SMARCA2: variants seen among roughly 807,000 people sequenced by gnomAD.
SMARCA2 encodes SWI/SNF related BAF chromatin remodeling complex subunit ATPase 2, also known as SWI/SNF-related matrix-associated actin-dependent regulator of chromatin subfamily A member 2.
Under a neutral mutation model 199.8 loss-of-function variants are expected in SMARCA2, and 61 were observed. The observed-to-expected ratio is 0.31, with a 90% CI of 0.25 to 0.38. The LOEUF (loss-of-function observed/expected upper bound fraction) is 0.38. Ranked by LOEUF, SMARCA2 falls within the 10% of genes least tolerant of loss-of-function variation. The pLI is 1.00. For synonymous variants in SMARCA2, 935 were observed against 732.0 expected (o/e 1.28, Z -4.48); for missense variants, 1,344 against 2,012.2 (o/e 0.67, Z 6.35).
intron 27 of SMARCA2, among the ~76,000 whole-genome samples, chr9:2,124,757 A>T (rs1823613749): frequency 6.6e-6 from 1 of 152,194 alleles, no homozygotes; most frequent in African/African-American, 2.4e-5. Flanking sequence ...GCACAGAAAT[A>T]TCAAAATGCT....
chr9:2,137,477 T>C (rs1365585016), intron 27 of SMARCA2, among the ~76,000 whole-genome samples: 1 of 152,136 alleles, frequency 6.6e-6, no homozygotes. Flanking sequence ...CTTCTAGTCC[T>C]TGGCACTTCT....
In SMARCA2 at chr9:2,108,628, A is replaced by C. The variant is rs149207733; in HGVS notation, c.3293-1626A>C. Among the ~76,000 whole-genome samples the C allele has an allele frequency of 8.0e-3, 1,222 of 152,328 alleles. 15 individuals are homozygous for C. The highest frequency in any genetic ancestry group is 0.028 in the African/African-American group (1,163 of 41,562). On this transcript the variant is annotated intron_variant, in intron 23 of 33. Transcript: ENST00000349721. Reference sequence around the variant, plus strand: ...TGTGGCTTTTCATTCAGTTTAAGGCAGAGGAGAAATATGTGAACCATTAAT... The same window carrying C: ...TGTGGCTTTTCATTCAGTTTAAGGCCGAGGAGAAATATGTGAACCATTAAT...
rs780894723 is a variant in SMARCA2, at chr9:2,078,398, G to A, written c.2184+622G>A. On this transcript the variant is annotated intron_variant, in intron 14 of 33. Transcript: ENST00000349721. Reference sequence around the variant, plus strand: ...GAAGCAGGAGAATCGCTTGAGCTCCGGAGGTGGAGGTTGCAGTGAGCCAAG... The same window carrying A: ...GAAGCAGGAGAATCGCTTGAGCTCCAGAGGTGGAGGTTGCAGTGAGCCAAG... 4.6e-5 allele frequency among the ~76,000 whole-genome samples: 7 copies of A among 152,038 alleles called. 1 individual carries two copies. Among genetic ancestry groups the A allele is most frequent in the East Asian group, 3.9e-4 (2 of 5,178 alleles).
chr9:2,049,270 C>T (rs1820016481), intron 5 of SMARCA2, among the ~76,000 whole-genome samples: 1 of 152,032 alleles, frequency 6.6e-6, no homozygotes, highest in Admixed American at 6.6e-5. Flanking sequence ...ATCATTTTTT[C>T]TGGAATTTTC....
chr9:2,072,044 G>A (rs533573560), intron 10 of SMARCA2: 1 of 152,240 alleles, frequency 6.6e-6, no homozygotes, highest in South Asian at 2.1e-4. Context: ...CTTTGTTGAG[G>A]GTGTAAGGGG....
At chr9:2,023,901 T>C (rs1041700212) in intron 1 of SMARCA2, among the ~76,000 whole-genome samples, 1 of 152,212 alleles carries the variant, frequency 6.6e-6, no homozygotes, top group Non-Finnish European at 1.5e-5. Context: ...AGAACTCTTA[T>C]CTTAACTATC....
intron 7 of SMARCA2, among the ~76,000 whole-genome samples, chr9:2,057,735 G>A (rs1278015487): frequency 3.3e-5 from 5 of 152,084 alleles, no homozygotes; most frequent in African/African-American, 1.2e-4. Context: ...GTTTTCCTGT[G>A]CTTAATTTAG....
intron 26 of SMARCA2, among the ~76,000 whole-genome samples, chr9:2,120,218 T>C (rs1823397336): frequency 6.6e-6 from 1 of 152,196 alleles, no homozygotes; most frequent in Non-Finnish European, 1.5e-5. Context: ...ACAGAGAGAG[T>C]AAATATAAAC....
At chr9:2,059,205 G>A (rs760765113) in intron 8 of SMARCA2, among the ~76,000 whole-genome samples, 7 of 152,176 alleles carry the variant, frequency 4.6e-5, no homozygotes, top group Admixed American at 1.3e-4. Context: ...TAGGAGACCT[G>A]CAGATTCTAT....
chr9:2,177,177 A>ACACTT (rs1246686735), intron 29 of SMARCA2, among the ~76,000 whole-genome samples: 10 of 152,198 alleles, frequency 6.6e-5, no homozygotes, highest in Non-Finnish European at 1.5e-5. Context: ...AAGAAGCAGC[A>ACACTT]CACTTCACCT....
At chr9:2,127,403 A>G (rs555515155) in intron 27 of SMARCA2, among the ~76,000 whole-genome samples, 20 of 152,328 alleles carry the variant, frequency 1.3e-4, no homozygotes, top group African/African-American at 4.3e-4. Flanking sequence ...TGCCCTGTCC[A>G]TGGACCTATC....
At chr9:2,046,016 TC>T (rs752974043) in intron 4 of SMARCA2, 6 of 152,228 alleles carry the variant, frequency 3.9e-5, no homozygotes, top group Non-Finnish European at 5.9e-5. Context: ...GTTCAGTTTT[TC>T]ATAATGTATG....
At chr9:2,164,561 C>T (rs1019880899) in intron 28 of SMARCA2, among the ~76,000 whole-genome samples, 4 of 152,150 alleles carry the variant, frequency 2.6e-5, no homozygotes, top group African/African-American at 7.2e-5. Flanking sequence ...TAATAATCAG[C>T]CTTTCAGACT....
Position 2,088,482 on chromosome 9 carries a change from A to G in SMARCA2, c.2770-18A>G. 1 of 1,563,226 alleles carries G rather than the reference A, an allele frequency of 6.4e-7. No homozygotes were observed. Among genetic ancestry groups the G allele is most frequent in the Non-Finnish European group, 8.6e-7 (1 of 1,165,340 alleles). Reference sequence around the variant, plus strand: ...CTTTTCTTTAAAAAATCAAATTCATAATAAGCCTCTCTTACAGGTGGACTT... The same window carrying G: ...CTTTTCTTTAAAAAATCAAATTCATGATAAGCCTCTCTTACAGGTGGACTT... On this transcript the variant is annotated intron_variant, in intron 18 of 33. Coordinates refer to ENST00000349721, the MANE Select transcript of SMARCA2 (RefSeq NM_003070.5).
intron 19 of SMARCA2, among the ~76,000 whole-genome samples, chr9:2,091,898 G>C (rs1395993725): frequency 6.6e-6 from 1 of 152,096 alleles, no homozygotes; most frequent in Admixed American, 6.6e-5. Flanking sequence ...AACTAAAGCA[G>C]GTATATAAAG....
At chr9:2,093,160 G>GC (rs1822132539) in intron 19 of SMARCA2, among the ~76,000 whole-genome samples, 1 of 152,164 alleles carries the variant, frequency 6.6e-6, no homozygotes, top group African/African-American at 2.4e-5. Flanking sequence ...CTGAATAATA[G>GC]TGTGGCAATG....
chr9:2,190,014 G>A (rs1827768954), intron 32 of SMARCA2, among the ~76,000 whole-genome samples: 1 of 149,610 alleles, frequency 6.7e-6, no homozygotes, highest in Non-Finnish European at 1.5e-5. Flanking sequence ...TAGCTTGAAT[G>A]AGAGACCCAC....
chr9:2,071,316 A>C (rs766155175), intron 10 of SMARCA2, among the ~76,000 whole-genome samples: 1 of 152,204 alleles, frequency 6.6e-6, no homozygotes, highest in African/African-American at 2.4e-5. Flanking sequence ...CTTAACCACT[A>C]TAATCTATCA....
intron 5 of SMARCA2, among the ~76,000 whole-genome samples, chr9:2,049,285 C>G (rs1171401400): frequency 6.6e-6 from 1 of 152,090 alleles, no homozygotes; most frequent in Non-Finnish European, 1.5e-5. Flanking sequence ...ATTTTCATTG[C>G]AGGACTTTCT....
Sources: allele counts gnomAD v4.1 joint callset (sites outside exome capture counted in the v4.1 genomes callset), GRCh38; gene constraint gnomAD v4.1.1; transcripts MANE v1.5; gene names NCBI Gene and HGNC (gene_info 2026-07-23, HGNC 2026-07-21).